DOCK3: variants seen among roughly 807,000 people sequenced by gnomAD.
The protein encoded by DOCK3 is dedicator of cytokinesis 3.
In DOCK3, 60 loss-of-function variants were observed where a neutral mutation model predicts 265.6. The observed-to-expected ratio is 0.23, with a 90% CI of 0.18 to 0.28. The LOEUF is 0.28. Ranked by LOEUF, DOCK3 falls within the 10% of genes least tolerant of loss-of-function variation. DOCK3 has a pLI of 1.00. For synonymous variants in DOCK3, 881 were observed against 938.0 expected, an observed-to-expected ratio of 0.94 and a Z score of 1.11; for missense variants, 1,981 against 2,594.3, an observed-to-expected ratio of 0.76 and a Z score of 5.14.
intron 1 of DOCK3, among the ~76,000 whole-genome samples, chr3:50,700,725 A>G (rs938086935): frequency 6.6e-6 from 1 of 152,204 alleles, no homozygotes; most frequent in Non-Finnish European, 1.5e-5. Context: ...TATTGTGAAT[A>G]GTGCTGTGAT....
intron 32 of DOCK3, among the ~76,000 whole-genome samples, chr3:51,327,486 T>C (rs901484641): frequency 6.6e-6 from 1 of 152,238 alleles, no homozygotes; most frequent in Admixed American, 6.5e-5. Flanking sequence ...AACTTGATGG[T>C]CAGTGTCACT....
At position 51,236,509 on chromosome 3, in the gene DOCK3, A is replaced by G. The variant is rs903211787; in HGVS notation, c.2001+81A>G. The G allele has an allele frequency of 1.1e-5, 14 of 1,220,102 alleles. No individual in the cohort carries two copies. The African/African-American group carries it at 2.0e-4, about 17-fold the overall frequency. 75.6% of individuals were successfully genotyped at this position (1,220,102 alleles called of 1,614,324 possible). On this transcript the variant is annotated intron_variant, in intron 20 of 52. Coordinates refer to ENST00000266037, the MANE Select transcript of DOCK3 (RefSeq NM_004947.5). ...GAAAATTTAAGGGAAGCAATTTATT[A>G]GAGTGAATCAGCACAAGATATAGAT...
At chr3:50,969,793 C>T (rs1490441770) in intron 5 of DOCK3, among the ~76,000 whole-genome samples, 3 of 152,018 alleles carry the variant, frequency 2.0e-5, no homozygotes, top group African/African-American at 4.8e-5. Flanking sequence ...ACTATGAAGC[C>T]GGGCACAGTG....
At chr3:50,925,057 A>G (rs1011464833) in intron 4 of DOCK3, among the ~76,000 whole-genome samples, 9 of 151,978 alleles carry the variant, frequency 5.9e-5, no homozygotes, top group African/African-American at 1.7e-4. Flanking sequence ...TCTTTATTCT[A>G]TCTCCATTCT....
rs75836151 is a variant in DOCK3, at chr3:51,269,057, T to C, written c.2356-1758T>C. Among the ~76,000 whole-genome samples the C allele has an allele frequency of 7.5e-3, 1,131 of 151,484 alleles. 15 individuals carry two copies. Among genetic ancestry groups the C allele is most frequent in the African/African-American group, 0.026 (1,086 of 41,358 alleles). On this transcript the variant is annotated intron_variant, in intron 23 of 52. Coordinates refer to ENST00000266037, the MANE Select transcript of DOCK3 (RefSeq NM_004947.5). ...AGACCTGTGTGAGAATCAGACCTTC[T>C]TCTTTGGTGCAAGGCTCATGTTTCC...
At chr3:50,904,398 A>G (rs1462357238) in intron 4 of DOCK3, among the ~76,000 whole-genome samples, 3 of 152,066 alleles carry the variant, frequency 2.0e-5, no homozygotes, top group Admixed American at 6.6e-5. Context: ...GAGTGTTCCT[A>G]TTTCTCCACA....
intron 26 of DOCK3, chr3:51,278,351 T>G: frequency 1.0e-6 from 1 of 985,388 alleles, no homozygotes; most frequent in Non-Finnish European, 1.2e-6. Context: ...GGGCCCCTCA[T>G]GCACCCCAAC....
At chr3:50,698,721 A>G (rs143267697) in intron 1 of DOCK3, among the ~76,000 whole-genome samples, 31 of 151,598 alleles carry the variant, frequency 2.0e-4, no homozygotes, top group Admixed American at 2.0e-3. Context: ...TCTTTTAAGA[A>G]GTGGCATCTC....
chr3:51,320,388 T>A (rs2083630224), intron 32 of DOCK3, among the ~76,000 whole-genome samples: 1 of 152,036 alleles, frequency 6.6e-6, no homozygotes, highest in Non-Finnish European at 1.5e-5. Flanking sequence ...TAGGTGGCCG[T>A]TTGGGCAGAC....
chr3:50,906,354 G>T (rs1227704977), intron 4 of DOCK3, among the ~76,000 whole-genome samples: 20 of 152,096 alleles, frequency 1.3e-4, no homozygotes, highest in Admixed American at 1.3e-3. Context: ...GCTCCTCCTT[G>T]TACCTCTGGT....
chr3:51,227,896 G>C, intron 16 of DOCK3, 86 bp from the exon 17 acceptor site: 1 of 1,307,214 alleles, frequency 7.6e-7, no homozygotes, highest in Non-Finnish European at 1.1e-6. Flanking sequence ...AGGAACAAAA[G>C]AGCATAGGTG....
chr3:50,723,676 C>T (rs1007859739), intron 1 of DOCK3, among the ~76,000 whole-genome samples: 2 of 152,178 alleles, frequency 1.3e-5, no homozygotes, highest in African/African-American at 4.8e-5. Flanking sequence ...CCCTTCCTTA[C>T]ACCTTTTACA....
chr3:50,795,187 A>C (rs1035707281), intron 2 of DOCK3, among the ~76,000 whole-genome samples: 9 of 151,970 alleles, frequency 5.9e-5, no homozygotes, highest in African/African-American at 2.2e-4. Flanking sequence ...TTGACTTTGG[A>C]GAATCTGATG....
chr3:50,684,377 A>T (rs539919939), intron 1 of DOCK3, among the ~76,000 whole-genome samples: 1 of 152,290 alleles, frequency 6.6e-6, no homozygotes, highest in East Asian at 1.9e-4. Flanking sequence ...GAAGAATTTT[A>T]TTTTGTTTTA....
chr3:50,718,202 C>G (rs1238461499), intron 1 of DOCK3, among the ~76,000 whole-genome samples: 1 of 152,132 alleles, frequency 6.6e-6, no homozygotes, highest in Non-Finnish European at 1.5e-5. Flanking sequence ...CTTAGTTCAG[C>G]TATCAAATTT....
At chr3:51,088,280 G>A (rs2082505574) in intron 7 of DOCK3, among the ~76,000 whole-genome samples, 1 of 152,168 alleles carries the variant, frequency 6.6e-6, no homozygotes, top group Non-Finnish European at 1.5e-5. Context: ...TGGGGTGGTG[G>A]GGTTGAAGAG....
intron 32 of DOCK3, among the ~76,000 whole-genome samples, chr3:51,328,500 G>A (rs2084299471): frequency 6.6e-6 from 1 of 151,694 alleles, no homozygotes; most frequent in South Asian, 2.1e-4. Context: ...GAGTGAGACG[G>A]CTTCAATCCC....
intron 5 of DOCK3, among the ~76,000 whole-genome samples, chr3:50,938,269 A>G (rs2051501834): frequency 6.6e-6 from 1 of 152,166 alleles, no homozygotes; most frequent in African/African-American, 2.4e-5. Context: ...TGCAAAATAA[A>G]TAAAGCAAAA....
At chr3:51,341,722 C>T (rs1357567352) in intron 38 of DOCK3, among the ~76,000 whole-genome samples, 1 of 152,192 alleles carries the variant, frequency 6.6e-6, no homozygotes, top group Non-Finnish European at 1.5e-5. Context: ...AGAACTGATA[C>T]GGCTTTCTAA....
Sources: allele counts gnomAD v4.1 joint callset (sites outside exome capture counted in the v4.1 genomes callset), GRCh38; gene constraint gnomAD v4.1.1; transcripts MANE v1.5; gene names NCBI Gene and HGNC (gene_info 2026-07-23, HGNC 2026-07-21).